Variants in CATSPERT observed in about 807,000 individuals in gnomAD.
CATSPERT encodes cation channel sperm-associated targeting subunit tau.
the CATSPERT span, among the ~76,000 whole-genome samples, chr2:201,540,388 G>A: frequency 1.3e-5 from 2 of 152,210 alleles, no homozygotes; most frequent in Admixed American, 1.3e-4. Flanking sequence ...CTCAATGCCT[G>A]GCTTCAACGC....
chr2:201,610,226 A>T, the CATSPERT span, among the ~76,000 whole-genome samples: 1 of 152,180 alleles, frequency 6.6e-6, no homozygotes, highest in Non-Finnish European at 1.5e-5. Flanking sequence ...AGGCTGAGGC[A>T]GGCAGATCAT....
At chr2:201,491,913 C>T in the CATSPERT span, 2 of 1,536,852 alleles carry the variant, frequency 1.3e-6, no homozygotes, top group Non-Finnish European at 1.7e-6. Flanking sequence ...TCCTTAGTTT[C>T]TTAAGCAGTA....
chr2:201,547,163 G>C, the CATSPERT span, among the ~76,000 whole-genome samples: 1 of 152,096 alleles, frequency 6.6e-6, no homozygotes, highest in Non-Finnish European at 1.5e-5. Context: ...AAGGGTATGG[G>C]GTTGCTTTTG....
chr2:201,564,290 T>C, the CATSPERT span, among the ~76,000 whole-genome samples: 5 of 152,206 alleles, frequency 3.3e-5, no homozygotes, highest in African/African-American at 1.2e-4. Context: ...GGCTGCCAGA[T>C]ACAAATGTAT....
At chr2:201,514,494 C>T in the CATSPERT span, among the ~76,000 whole-genome samples, 85 of 152,246 alleles carry the variant, frequency 5.6e-4, no homozygotes, top group African/African-American at 1.9e-3. Context: ...TATTATTCAT[C>T]AAATCTCTCA....
the CATSPERT span, among the ~76,000 whole-genome samples, chr2:201,540,329 T>A: frequency 6.6e-6 from 1 of 152,238 alleles, no homozygotes; most frequent in Non-Finnish European, 1.5e-5. Context: ...TGAAACAGTC[T>A]TATACTGAAA....
the CATSPERT span, among the ~76,000 whole-genome samples, chr2:201,499,960 G>GT: frequency 6.6e-6 from 1 of 150,380 alleles, no homozygotes; most frequent in South Asian, 2.1e-4. Context: ...TATAGAACAA[G>GT]CCACCATCAT....
At chr2:201,592,725 G>A in the CATSPERT span, among the ~76,000 whole-genome samples, 4 of 152,100 alleles carry the variant, frequency 2.6e-5, no homozygotes, top group African/African-American at 7.2e-5. Context: ...TGTATGTGCC[G>A]ACGAATTTAT....
At chr2:201,553,327 A>G in the CATSPERT span, 1 of 152,334 alleles carries the variant, frequency 6.6e-6, no homozygotes, top group East Asian at 1.9e-4. Flanking sequence ...TCTCTTCATC[A>G]CAATTTCATC....
the CATSPERT span, among the ~76,000 whole-genome samples, chr2:201,500,822 T>C: frequency 6.6e-6 from 1 of 152,208 alleles, no homozygotes; most frequent in African/African-American, 2.4e-5. Flanking sequence ...AAATCATGTT[T>C]AACATGATTC....
the CATSPERT span, among the ~76,000 whole-genome samples, chr2:201,617,174 C>T: frequency 2.6e-5 from 4 of 152,154 alleles, no homozygotes; most frequent in Non-Finnish European, 5.9e-5. Context: ...CATCAAGCTA[C>T]CAATGACTTT....
the CATSPERT span, among the ~76,000 whole-genome samples, chr2:201,611,089 T>C: frequency 1.3e-5 from 2 of 152,066 alleles, no homozygotes; most frequent in Non-Finnish European, 1.5e-5. Flanking sequence ...CTTTCACCAC[T>C]GTACTGAAAG....
chr2:201,595,986 A>G, the CATSPERT span, among the ~76,000 whole-genome samples: 2 of 152,068 alleles, frequency 1.3e-5, no homozygotes, highest in African/African-American at 4.8e-5. Flanking sequence ...GGGAGTATAA[A>G]TAAGTTCAAC....
chr2:201,545,496 T>C, the CATSPERT span: 1 of 1,235,492 alleles, frequency 8.1e-7, no homozygotes, highest in Non-Finnish European at 1.1e-6. Flanking sequence ...TATAATCACT[T>C]TGATTTCAAT....
At chr2:201,515,205 T>TAG in the CATSPERT span, among the ~76,000 whole-genome samples, 2 of 5,342 alleles carry the variant, frequency 3.7e-4, 1 homozygote, top group Non-Finnish European at 9.6e-4. Context: ...GCCCATAGTT[T>TAG]TTTTTTTTTT....
the CATSPERT span, chr2:201,493,667 C>T: frequency 6.5e-7 from 1 of 1,537,210 alleles, no homozygotes; most frequent in South Asian, 1.2e-5. Context: ...AATTGATTTT[C>T]CAAGTTCATT....
the CATSPERT span, chr2:201,494,589 T>A: frequency 1.6e-5 from 25 of 1,537,188 alleles, no homozygotes; most frequent in Non-Finnish European, 2.0e-5. Flanking sequence ...TAGCAGGTCC[T>A]GCAGTTTTTG....
At chr2:201,494,699 C>T in the CATSPERT span, 1 of 1,533,038 alleles carries the variant, frequency 6.5e-7, no homozygotes, top group South Asian at 1.2e-5. Context: ...CTTTTTCTGA[C>T]TGACATTTTG....
chr2:201,499,072 C>A, the CATSPERT span, among the ~76,000 whole-genome samples: 1 of 152,160 alleles, frequency 6.6e-6, no homozygotes, highest in African/African-American at 2.4e-5. Flanking sequence ...TCCAGGGAAG[C>A]CTGCCCAGCA....
Sources: allele counts gnomAD v4.1 joint callset (sites outside exome capture counted in the v4.1 genomes callset), GRCh38; gene constraint gnomAD v4.1.1; transcripts MANE v1.5; gene names NCBI Gene and HGNC (gene_info 2026-07-23, HGNC 2026-07-21).